The following OGG1 variants were observed in gnomAD, a reference collection of about 807,000 sequenced individuals.
OGG1 encodes N-glycosylase/DNA lyase.
A neutral mutation model predicts 42.3 loss-of-function variants in OGG1; 35 were observed. The observed-to-expected ratio is 0.83, with a 90% confidence interval of 0.63 to 1.10. The LOEUF (loss-of-function observed/expected upper bound fraction) is 1.10, where lower values mean the gene tolerates loss of function less well. OGG1 is among the 50% of genes least tolerant of loss of function. The pLI is 0.00. For missense variants in OGG1, 484 were observed against 446.7 expected (o/e 1.08, Z -0.75); for synonymous variants, 189 against 179.0 (o/e 1.06, Z -0.44).
chr3:9,767,753 C>T (rs1039377466), downstream of OGG1: 1 of 1,613,932 alleles, frequency 6.2e-7, no homozygotes, highest in South Asian at 1.1e-5. Flanking sequence ...CCAGCATGGC[C>T]CACTGCCCCC....
chr3:9,750,851 G>A (rs991968560), intron 1 of OGG1, 94 bp from the exon 2 acceptor site: 2 of 1,439,320 alleles, frequency 1.4e-6, no homozygotes, highest in Admixed American at 1.7e-5. Flanking sequence ...ACTTGTATTA[G>A]TTTCGTACAT....
rs1029970719 is a variant in OGG1, at chr3:9,754,858, C to G, written c.720C>G (p.Leu240=). ...CATATGAGGAGGCCCACAAGGCCCT[C>G]TGCATCCTGCCTGGAGTGGGCACCA... ...ESSYEEAHKA[L]CILPGVGTKV... is the part of the protein sequence containing the mutation. Residue 240 remains leucine, a synonymous_variant, in exon 4 of 7, where the codon CTC becomes CTG. Transcript: ENST00000344629. The G allele has an allele frequency of 2.5e-5, 40 of 1,604,068 alleles. No individual in the cohort carries two copies. The highest frequency in any genetic ancestry group is 3.3e-5 in the Non-Finnish European group (39 of 1,175,248).
At chr3:9,764,789 C>G (rs940799884) in intron 7 of OGG1, among the ~76,000 whole-genome samples, 1 of 151,586 alleles carries the variant, frequency 6.6e-6, no homozygotes, top group Admixed American at 6.6e-5. Flanking sequence ...TGTGCCACCA[C>G]GCCTGGCTAA....
chr3:9,764,033 C>T (rs1473630337), intron 7 of OGG1, among the ~76,000 whole-genome samples: 1 of 152,170 alleles, frequency 6.6e-6, no homozygotes, highest in African/African-American at 2.4e-5. Flanking sequence ...TGTTTGTCAG[C>T]CTCCCCCACC....
At position 9,754,197 on chromosome 3, in the gene OGG1, C is replaced by T. The variant is rs531494585; in HGVS notation, c.566-507C>T. Among the ~76,000 whole-genome samples the T allele has an allele frequency of 3.3e-5, 5 of 152,272 alleles. No homozygotes were observed. The East Asian group carries it at 9.6e-4, about 29-fold the overall frequency. On this transcript the variant is annotated intron_variant, in intron 3 of 6. Transcript: ENST00000344629. Reference sequence around the variant, plus strand: ...AGACCTAGGTGCAAGATCTTATCTCCCCCATGTCCTTTCTTAAGTAAGTTA... The same window carrying T: ...AGACCTAGGTGCAAGATCTTATCTCTCCCATGTCCTTTCTTAAGTAAGTTA...
chr3:9,763,258 A>C, intron 7 of OGG1: 1 of 1,612,184 alleles, frequency 6.2e-7, no homozygotes, highest in Non-Finnish European at 8.5e-7. Context: ...GGCGGTGTGC[A>C]CCTGTAGTCC....
downstream of OGG1, chr3:9,789,933 C>T: frequency 6.2e-7 from 1 of 1,609,238 alleles, no homozygotes; most frequent in Non-Finnish European, 8.5e-7. Context: ...AATCGTCTGT[C>T]ACCTTTCTTA....
intron 2 of OGG1, among the ~76,000 whole-genome samples, chr3:9,771,940 C>A (rs2078307298): frequency 6.6e-6 from 1 of 151,400 alleles, no homozygotes; most frequent in African/African-American, 2.4e-5. Context: ...CCTCAGCCTC[C>A]CAAGTATCTG....
At chr3:9,790,434 A>C (rs530998519), downstream of OGG1, among the ~76,000 whole-genome samples, 94 of 152,196 alleles carry the variant, frequency 6.2e-4, no homozygotes, top group African/African-American at 2.1e-3. Context: ...TCCTTCCTCC[A>C]CAAGTCTCTG....
chr3:9,776,375 T>C (rs2078363440), intron 2 of OGG1, among the ~76,000 whole-genome samples: 1 of 149,324 alleles, frequency 6.7e-6, no homozygotes, highest in African/African-American at 2.5e-5. Context: ...TCTTCTTTTT[T>C]CTTTTTTCTT....
chr3:9,786,978 G>A (rs374618568), intron 3 of OGG1: 4 of 1,575,064 alleles, frequency 2.5e-6, no homozygotes, highest in South Asian at 2.2e-5. Context: ...AAGTAAATAT[G>A]GTTCCTCTTT....
chr3:9,763,548 A>G (rs2125585285), intron 7 of OGG1, among the ~76,000 whole-genome samples: 1 of 152,138 alleles, frequency 6.6e-6, no homozygotes, highest in South Asian at 2.1e-4. Flanking sequence ...GTTTATTACC[A>G]TTTTTTGGAA....
At chr3:9,787,259 C>A in intron 3 of OGG1, 1 of 1,614,238 alleles carries the variant, frequency 6.2e-7, no homozygotes, top group Non-Finnish European at 8.5e-7. Flanking sequence ...GCCACAGCCG[C>A]TGCCCGGGCC....
downstream of OGG1, chr3:9,759,429 G>A (rs573056321): frequency 2.4e-4 from 387 of 1,610,732 alleles, no homozygotes; most frequent in Non-Finnish European, 3.0e-4. Context: ...GCTGAGCCTG[G>A]GTAGGGATGG....
rs544556904 is a variant in OGG1, at chr3:9,786,734, G to A, written c.383-994G>A. Among the ~76,000 whole-genome samples the A allele has an allele frequency of 5.9e-5, 9 of 152,272 alleles. No homozygotes were observed. In the South Asian group the frequency reaches 8.3e-4, roughly 14 times the overall value. On this transcript the variant is annotated intron_variant, in intron 3 of 3. Transcript: ENST00000426518. ...ACAGGGGCATGAGAGGGGCTTCTAG[G>A]ATATAGTAATGTTTCATTTTGTAAT...
downstream of OGG1, chr3:9,760,296 A>T (rs2077792004): frequency 4.4e-6 from 1 of 228,862 alleles, no homozygotes; most frequent in Non-Finnish European, 8.8e-6. Flanking sequence ...CAGTGCATTC[A>T]CACTGATGAT....
chr3:9,789,321 G>A (rs2078685719), downstream of OGG1, among the ~76,000 whole-genome samples: 1 of 152,186 alleles, frequency 6.6e-6, no homozygotes, highest in Non-Finnish European at 1.5e-5. Context: ...TTTGGCTGGG[G>A]TAGAGGGGAG....
intron 3 of OGG1, chr3:9,787,001 C>T (rs1274964933): frequency 6.2e-7 from 1 of 1,613,294 alleles, no homozygotes; most frequent in South Asian, 1.1e-5. Context: ...GGTTAGGCTG[C>T]TCACCTCCAC....
At chr3:9,779,671 C>A (rs2078416789) in intron 2 of OGG1, among the ~76,000 whole-genome samples, 1 of 152,154 alleles carries the variant, frequency 6.6e-6, no homozygotes, top group Non-Finnish European at 1.5e-5. Flanking sequence ...GAAACCTGGA[C>A]CCTTGATGAC....
Sources: allele counts gnomAD v4.1 joint callset (sites outside exome capture counted in the v4.1 genomes callset), GRCh38; gene constraint gnomAD v4.1.1; transcripts MANE v1.5; gene names NCBI Gene and HGNC (gene_info 2026-07-23, HGNC 2026-07-21).